Variants in TCF7L2 observed in about 807,000 individuals in gnomAD.
TCF7L2 encodes the protein transcription factor 7 like 2, also known as transcription factor 7-like 2.
TCF7L2 carries 23 observed loss-of-function variants against 77.9 expected under a neutral mutation model. The observed-to-expected ratio is 0.30, with a 90% CI of 0.21 to 0.42. TCF7L2 has a LOEUF of 0.42. Among genes scored for constraint, TCF7L2 ranks in the 10% least tolerant of loss-of-function variants. TCF7L2 has a pLI of 1.00. For missense variants in TCF7L2, 654 were observed against 793.1 expected (o/e 0.82, Z 2.11); for synonymous variants, 413 against 340.2 (o/e 1.21, Z -2.36).
intron 4 of TCF7L2, among the ~76,000 whole-genome samples, chr10:112,966,191 TA>T (rs2036819560): frequency 1.5e-5 from 2 of 134,602 alleles, no homozygotes; most frequent in Non-Finnish European, 3.0e-5. Context: ...TATTTATATA[TA>T]TATATATATA....
At chr10:112,997,619 A>C (rs956156839) in intron 4 of TCF7L2, among the ~76,000 whole-genome samples, 2 of 152,238 alleles carry the variant, frequency 1.3e-5, no homozygotes, top group African/African-American at 4.8e-5. Flanking sequence ...CCCCAGGAAG[A>C]GTGACCAGGG....
intron 5 of TCF7L2, among the ~76,000 whole-genome samples, chr10:113,048,999 G>C (rs1309632586): frequency 6.6e-6 from 1 of 152,054 alleles, no homozygotes; most frequent in Non-Finnish European, 1.5e-5. Context: ...TTTCAGAATT[G>C]TCCCTTGAGG....
intron 5 of TCF7L2, chr10:113,129,587 G>A (rs979430026): frequency 2.8e-6 from 3 of 1,058,328 alleles, no homozygotes; most frequent in Admixed American, 5.0e-5. Context: ...TTAGGGATGT[G>A]TGTACAGGGG....
At chr10:113,152,792 G>T (rs1318105285) in intron 11 of TCF7L2, among the ~76,000 whole-genome samples, 2 of 152,196 alleles carry the variant, frequency 1.3e-5, no homozygotes, top group African/African-American at 2.4e-5. Flanking sequence ...GGTTCCGCAG[G>T]CTCCTCAGCA....
chr10:112,980,839 G>T (rs1461650337), intron 4 of TCF7L2, among the ~76,000 whole-genome samples: 1 of 152,020 alleles, frequency 6.6e-6, no homozygotes, highest in African/African-American at 2.4e-5. Flanking sequence ...TATTAGCCAG[G>T]ATGGTCTCGA....
chr10:113,165,525 T>A, intron 13 of TCF7L2, 30 bp from the exon 15 acceptor site: 1 of 1,608,726 alleles, frequency 6.2e-7, no homozygotes, highest in Non-Finnish European at 8.5e-7. Context: ...GTGCCCTCTA[T>A]TCACAGATAA....
At chr10:113,145,114 G>GTTT (rs71007415) in intron 7 of TCF7L2, among the ~76,000 whole-genome samples, 8 of 146,216 alleles carry the variant, frequency 5.5e-5, no homozygotes, top group African/African-American at 1.3e-4. Context: ...ATTCTATGCT[G>GTTT]TTTTTTTTTT....
At chr10:113,071,835 T>G (rs1052385678) in intron 5 of TCF7L2, among the ~76,000 whole-genome samples, 2 of 152,122 alleles carry the variant, frequency 1.3e-5, no homozygotes, top group Admixed American at 6.6e-5. Flanking sequence ...GTGCAGATCC[T>G]TGGAGGACTC....
At chr10:112,958,360 G>A (rs1477279767) in intron 3 of TCF7L2, among the ~76,000 whole-genome samples, 1 of 152,136 alleles carries the variant, frequency 6.6e-6, no homozygotes, top group Non-Finnish European at 1.5e-5. Context: ...GCAGGGCACA[G>A]CACATTTACA....
chr10:113,024,412 G>A (rs1414028690), intron 4 of TCF7L2, among the ~76,000 whole-genome samples: 2 of 152,154 alleles, frequency 1.3e-5, no homozygotes, highest in African/African-American at 4.8e-5. Context: ...TGAGTTTGCA[G>A]TGGGTAGACT....
At position 113,031,850 on chromosome 10, in the gene TCF7L2, G is replaced by A. The variant is rs182341223; in HGVS notation, c.451-8175G>A. ...ATTAGCTTATTGTCCCATTGACTGT[G>A]TCTTTAGATGACTTCTCTGGGCCTC... On this transcript the variant is annotated intron_variant, in intron 4 of 13. Coordinates refer to ENST00000627217, the MANE Select transcript of TCF7L2 (RefSeq NM_001146274.2). 2.0e-5 allele frequency among the ~76,000 whole-genome samples: 3 copies of A among 152,260 alleles called. No individual in the cohort carries two copies. In the East Asian group the frequency reaches 5.8e-4, roughly 29 times the overall value.
At chr10:113,118,589 G>A (rs181203474) in intron 5 of TCF7L2, among the ~76,000 whole-genome samples, 71 of 150,336 alleles carry the variant, frequency 4.7e-4, no homozygotes, top group Non-Finnish European at 7.7e-4. Context: ...AGTATAGTGA[G>A]AACCCAGGAA....
chr10:112,994,401 A>G (rs1158466263), intron 4 of TCF7L2, among the ~76,000 whole-genome samples: 1 of 152,200 alleles, frequency 6.6e-6, no homozygotes, highest in African/African-American at 2.4e-5. Flanking sequence ...AGCATCTATC[A>G]GTATGTCATT....
At chr10:112,974,370 C>A (rs751862962) in intron 4 of TCF7L2, among the ~76,000 whole-genome samples, 2 of 152,190 alleles carry the variant, frequency 1.3e-5, no homozygotes, top group Non-Finnish European at 2.9e-5. Context: ...ATCAGCCATA[C>A]GTGTGCCTCT....
chr10:113,117,675 C>T (rs2064045264), intron 5 of TCF7L2, among the ~76,000 whole-genome samples: 1 of 152,152 alleles, frequency 6.6e-6, no homozygotes. Context: ...TGCCGGGAAA[C>T]GGCGGTCTGA....
intron 1 of TCF7L2, 36 bp downstream of exon 1, chr10:112,950,981 T>C: frequency 6.3e-7 from 1 of 1,587,652 alleles, no homozygotes; most frequent in Non-Finnish European, 8.5e-7. Context: ...GGGTTTTTTA[T>C]CTGTTTCCTG....
chr10:112,964,800 T>TGGTGGTGGTGATGGTGGTGGTGGTGAG (rs2036243124), intron 4 of TCF7L2, among the ~76,000 whole-genome samples, 176 bp downstream of exon 4: 1 of 29,074 alleles, frequency 3.4e-5, no homozygotes, highest in Non-Finnish European at 6.1e-5. Flanking sequence ...GTGATGGTGG[T>TGGTGGTGGTGATGGTGGTGGTGGTGAG]GGTGGTGGTG....
At chr10:113,073,066 G>A (rs1456335447) in intron 5 of TCF7L2, among the ~76,000 whole-genome samples, 1 of 151,110 alleles carries the variant, frequency 6.6e-6, no homozygotes, top group Non-Finnish European at 1.5e-5. Flanking sequence ...AGGTGCTGGT[G>A]GCCAGCCATG....
chr10:113,117,388 TC>T (rs2063884996), intron 5 of TCF7L2, among the ~76,000 whole-genome samples: 1 of 25,074 alleles, frequency 4.0e-5, no homozygotes, highest in African/African-American at 2.4e-4. Flanking sequence ...TCTCTCTCTC[TC>T]TCTCTCTCTC....
Sources: allele counts gnomAD v4.1 joint callset (sites outside exome capture counted in the v4.1 genomes callset), GRCh38; gene constraint gnomAD v4.1.1; transcripts MANE v1.5; gene names NCBI Gene and HGNC (gene_info 2026-07-23, HGNC 2026-07-21).